PPP3CA: variants seen among roughly 807,000 people sequenced by gnomAD.
The protein encoded by PPP3CA is protein phosphatase 3 catalytic subunit alpha.
In PPP3CA, 14 loss-of-function variants were observed where a neutral mutation model predicts 66.5. The ratio of observed to expected loss-of-function variants is 0.21; its 90% CI spans 0.14 to 0.33. PPP3CA has a LOEUF of 0.33. Among genes scored for constraint, PPP3CA ranks in the 10% least tolerant of loss-of-function variants. PPP3CA has a pLI of 1.00. For missense variants in PPP3CA, 317 were observed against 639.5 expected, an observed-to-expected ratio of 0.50 and a Z score of 5.44; for synonymous variants, 232 against 226.2, an observed-to-expected ratio of 1.03 and a Z score of -0.23.
intron 2 of PPP3CA, among the ~76,000 whole-genome samples, chr4:101,185,665 A>G (rs1383415220): frequency 6.6e-6 from 1 of 152,218 alleles, no homozygotes; most frequent in African/African-American, 2.4e-5. Context: ...GTTTCAAAGC[A>G]TTAGTGGAGA....
intron 1 of PPP3CA, among the ~76,000 whole-genome samples, chr4:101,288,006 A>G (rs1441434): frequency 0.069 from 10,498 of 152,136 alleles, 1,193 homozygotes; most frequent in African/African-American, 0.24. Context: ...AGTCACCTTC[A>G]AGAAAGCCCT....
In PPP3CA at chr4:101,061,674, T is replaced by G. The variant is rs191839174; in HGVS notation, c.1082-513A>C. ...TTGAAGTATTTTTCAGAATACTAAT[T>G]TTAAAAATGTATTGACAGAAATATC... is the stretch of plus-strand genomic sequence containing the variant. On this transcript the variant is annotated intron_variant, in intron 9 of 13. Coordinates refer to ENST00000394854, the MANE Select transcript of PPP3CA (RefSeq NM_000944.5). Among the ~76,000 whole-genome samples the G allele has an allele frequency of 1.7e-4, 26 of 152,212 alleles. 1 individual carries two copies. In the East Asian group the frequency reaches 5.0e-3, roughly 29 times the overall value.
intron 1 of PPP3CA, among the ~76,000 whole-genome samples, chr4:101,216,711 T>C (rs986351762): frequency 1.3e-5 from 2 of 152,002 alleles, no homozygotes; most frequent in Non-Finnish European, 2.9e-5. Flanking sequence ...TTATTTTTTA[T>C]TTATTCATTT....
rs80335985 is a variant in PPP3CA at position 101,155,679 on chromosome 4, T to C, written c.259+40237A>G. On this transcript the variant is annotated intron_variant, in intron 2 of 13. Transcript: ENST00000394854. ...GAATTGTTAAGCTTAAAAGATTCCT[T>C]TTTGTTTTAAGTTCCCACTTTGGGA... 0.026 allele frequency among the ~76,000 whole-genome samples: 1,004 copies of C among 38,762 alleles called. 12 individuals carry two copies. In the African/African-American group the frequency reaches 0.28, roughly 11 times the overall value. The allele number at this position is 38,762 out of a possible 152,430, so 25.4% of individuals were successfully genotyped here. A position where few individuals can be genotyped will look rare whatever the true frequency, so the allele number is the denominator to read the frequency against.
intron 10 of PPP3CA, among the ~76,000 whole-genome samples, chr4:101,058,329 G>A (rs1490562009): frequency 6.6e-6 from 1 of 152,078 alleles, no homozygotes; most frequent in Admixed American, 6.6e-5. Context: ...AGAAGAAACT[G>A]TTCAGAAAGA....
At chr4:101,174,412 A>G (rs1230259281) in intron 2 of PPP3CA, among the ~76,000 whole-genome samples, 1 of 152,168 alleles carries the variant, frequency 6.6e-6, no homozygotes, top group Non-Finnish European at 1.5e-5. Context: ...AGGTACACTT[A>G]TTTTTAAAAG....
intron 2 of PPP3CA, among the ~76,000 whole-genome samples, chr4:101,182,879 GCT>G (rs1398279302): frequency 2.0e-5 from 3 of 152,038 alleles, no homozygotes; most frequent in East Asian, 3.9e-4. Context: ...TCCTGCACAA[GCT>G]CTCTCTTTGC....
At chr4:101,105,947 A>G (rs1730646497) in intron 3 of PPP3CA, among the ~76,000 whole-genome samples, 2 of 152,194 alleles carry the variant, frequency 1.3e-5, no homozygotes, top group Non-Finnish European at 2.9e-5. Context: ...GAAAAACTTT[A>G]TTAGGAGTGC....
chr4:101,207,488 A>G (rs1350711536), intron 1 of PPP3CA, among the ~76,000 whole-genome samples: 1 of 152,190 alleles, frequency 6.6e-6, no homozygotes, highest in Non-Finnish European at 1.5e-5. Context: ...AAATCTTACC[A>G]GTAGACACAA....
At chr4:101,314,521 G>A (rs573077195) in intron 1 of PPP3CA, among the ~76,000 whole-genome samples, 7 of 125,500 alleles carry the variant, frequency 5.6e-5, no homozygotes, top group South Asian at 5.1e-4. Context: ...CAGAGATCGC[G>A]CCACTGCACT....
chr4:101,105,721 T>A (rs1391831248), intron 3 of PPP3CA, among the ~76,000 whole-genome samples: 3 of 152,230 alleles, frequency 2.0e-5, no homozygotes, highest in Admixed American at 2.0e-4. Flanking sequence ...TATCGTACTT[T>A]ATTATAAAAT....
intron 2 of PPP3CA, among the ~76,000 whole-genome samples, chr4:101,178,031 A>G (rs534033704): frequency 1.3e-5 from 2 of 152,258 alleles, no homozygotes; most frequent in South Asian, 2.1e-4. Context: ...TTCCTACTAC[A>G]TATCAGTTAT....
intron 8 of PPP3CA, among the ~76,000 whole-genome samples, chr4:101,077,896 T>C (rs184166413): frequency 6.6e-6 from 1 of 152,130 alleles, no homozygotes; most frequent in East Asian, 1.9e-4. Context: ...AGACACCTTA[T>C]TTGAGAAATA....
intron 1 of PPP3CA, among the ~76,000 whole-genome samples, chr4:101,270,685 G>A (rs2110265745): frequency 6.6e-6 from 1 of 152,222 alleles, no homozygotes. Flanking sequence ...CTTTATACTT[G>A]CTTTGTTTAA....
rs1425919434 is a variant in PPP3CA at position 101,347,456 on chromosome 4, TC to T, written c.-661del. ...GCGATCGCCCGCGCTCGCCTCTGCC[TC>T]CCCGCGCCGCTCCTCCACTCACCAA... On this transcript the variant is annotated 5_prime_UTR_variant, in exon 1 of 14. Transcript: ENST00000394854. 1.8e-5 allele frequency: 3 copies of T among 164,248 alleles called. No homozygotes were observed. Among genetic ancestry groups the T allele is most frequent in the Non-Finnish European group, 3.9e-5 (3 of 77,842 alleles). 10.2% of individuals were successfully genotyped at this position (164,248 alleles called of 1,614,324 possible).
intron 1 of PPP3CA, among the ~76,000 whole-genome samples, chr4:101,303,796 G>A (rs1452627389): frequency 6.6e-6 from 1 of 152,060 alleles, no homozygotes; most frequent in Non-Finnish European, 1.5e-5. Context: ...GATATTCTTA[G>A]AAGCACTGGC....
chr4:101,101,003 G>C (rs920267872), intron 3 of PPP3CA, among the ~76,000 whole-genome samples: 2 of 152,068 alleles, frequency 1.3e-5, no homozygotes, highest in Non-Finnish European at 2.9e-5. Flanking sequence ...CTAATTATCA[G>C]AACAAATGTT....
chr4:101,329,835 G>A (rs1218093269), intron 1 of PPP3CA, among the ~76,000 whole-genome samples: 1 of 151,732 alleles, frequency 6.6e-6, no homozygotes, highest in Non-Finnish European at 1.5e-5. Flanking sequence ...TTAAGCTCTT[G>A]GCTGAGATTG....
intron 8 of PPP3CA, among the ~76,000 whole-genome samples, chr4:101,076,848 T>C (rs1042081289): frequency 6.6e-5 from 10 of 152,258 alleles, no homozygotes; most frequent in Non-Finnish European, 1.3e-4. Context: ...AATGTCTTAA[T>C]ACTGCACAGC....
Sources: allele counts gnomAD v4.1 joint callset (sites outside exome capture counted in the v4.1 genomes callset), GRCh38; gene constraint gnomAD v4.1.1; transcripts MANE v1.5; gene names NCBI Gene and HGNC (gene_info 2026-07-23, HGNC 2026-07-21).